NCEH1: variants seen among roughly 807,000 people sequenced by gnomAD.
NCEH1 encodes 2-acetyl MAGE hydrolase.
In NCEH1, 9 loss-of-function variants were observed where a neutral mutation model predicts 25.4. That is an observed-to-expected ratio of 0.35 (90% CI 0.21 to 0.62). The LOEUF (loss-of-function observed/expected upper bound fraction) is 0.62. Ranked by LOEUF, NCEH1 falls within the 20% of genes least tolerant of loss-of-function variation. The pLI is 0.72. For synonymous variants in NCEH1, 200 were observed against 199.8 expected (o/e 1.00, Z -0.01); for missense variants, 412 against 501.1 (o/e 0.82, Z 1.70).
At chr3:172,700,286 CA>C (rs1384469825) in intron 1 of NCEH1, among the ~76,000 whole-genome samples, 1 of 152,022 alleles carries the variant, frequency 6.6e-6, no homozygotes, top group Non-Finnish European at 1.5e-5. Flanking sequence ...CCAGAATCCC[CA>C]GTATACTATA....
chr3:172,651,663 A>C (rs9849025), intron 1 of NCEH1, among the ~76,000 whole-genome samples: 3,426 of 151,782 alleles, frequency 0.023, 142 homozygotes, highest in African/African-American at 0.079. Context: ...GATTCAAGCT[A>C]TTCTCGTGCC....
chr3:172,667,981 T>G (rs1332678219), intron 1 of NCEH1, among the ~76,000 whole-genome samples: 3 of 152,176 alleles, frequency 2.0e-5, no homozygotes, highest in African/African-American at 7.2e-5. Flanking sequence ...TTGGGCCCCC[T>G]TCAAGTTCCC....
intron 1 of NCEH1, among the ~76,000 whole-genome samples, chr3:172,661,129 AC>A (rs1395080599): frequency 1.3e-5 from 2 of 152,086 alleles, no homozygotes; most frequent in Admixed American, 6.6e-5. Context: ...TGTCTTTAAT[AC>A]ATCTTGAATT....
chr3:172,650,470 T>C (rs566597545), intron 1 of NCEH1, among the ~76,000 whole-genome samples: 40 of 149,124 alleles, frequency 2.7e-4, no homozygotes, highest in African/African-American at 5.9e-4. Flanking sequence ...GGTGAAACCC[T>C]GTCTCTACTA....
intron 1 of NCEH1, among the ~76,000 whole-genome samples, chr3:172,658,001 G>A (rs1560188585): frequency 6.6e-6 from 1 of 152,200 alleles, no homozygotes; most frequent in Non-Finnish European, 1.5e-5. Context: ...ATGAGGCTGA[G>A]ACCTACTGGG....
intron 1 of NCEH1, among the ~76,000 whole-genome samples, chr3:172,689,571 G>A (rs1002665892): frequency 1.2e-4 from 18 of 147,524 alleles, no homozygotes; most frequent in African/African-American, 3.5e-4. Flanking sequence ...TTAGCCAGGC[G>A]TGATGGCACG....
At chr3:172,710,446 G>C (rs1387528882) in intron 1 of NCEH1, among the ~76,000 whole-genome samples, 1 of 114,552 alleles carries the variant, frequency 8.7e-6, no homozygotes, top group Non-Finnish European at 2.0e-5. Flanking sequence ...TGCTTTTCCC[G>C]AGCTCTCCTA....
intron 1 of NCEH1, among the ~76,000 whole-genome samples, chr3:172,699,925 A>G (rs1018476983): frequency 2.0e-5 from 3 of 152,322 alleles, no homozygotes; most frequent in South Asian, 2.1e-4. Context: ...GCTACTCTCA[A>G]AAATGTCCTG....
At chr3:172,704,691 T>TAGTC (rs1276162713) in intron 1 of NCEH1, among the ~76,000 whole-genome samples, 3 of 152,214 alleles carry the variant, frequency 2.0e-5, no homozygotes, top group Non-Finnish European at 4.4e-5. Flanking sequence ...GCAGGCAATA[T>TAGTC]AGTCAGGTTT....
chr3:172,640,753 C>T (rs1047177846), intron 3 of NCEH1, among the ~76,000 whole-genome samples: 2 of 152,098 alleles, frequency 1.3e-5, no homozygotes, highest in Admixed American at 6.6e-5. Flanking sequence ...GTGATCCGCT[C>T]GCCTCAGCCT....
At chr3:172,641,429 C>T (rs1368181461) in intron 3 of NCEH1, among the ~76,000 whole-genome samples, 1 of 152,188 alleles carries the variant, frequency 6.6e-6, no homozygotes, top group African/African-American at 2.4e-5. Flanking sequence ...GGAGTCCCAA[C>T]TCCTGGTGCT....
At chr3:172,634,434 C>A (rs545513372) in intron 4 of NCEH1, among the ~76,000 whole-genome samples, 1 of 152,182 alleles carries the variant, frequency 6.6e-6, no homozygotes, top group Non-Finnish European at 1.5e-5. Context: ...CCCTACAAAA[C>A]CCCCAAAAAG....
rs1386048859 is a variant in NCEH1, at chr3:172,631,381, A to AC, written c.*2093_*2094insG. 2 of 147,000 alleles carry AC rather than the reference A, an allele frequency of 1.4e-5. No homozygotes were observed. Among genetic ancestry groups the AC allele is most frequent in the Admixed American group, 6.8e-5 (1 of 14,666 alleles). The allele number at this position is 147,000 out of a possible 1,614,324, so 9.1% of individuals were successfully genotyped here. On this transcript the variant is annotated 3_prime_UTR_variant, in exon 5 of 5. Transcript: ENST00000475381. ...ATCACAGAATAAGAACTAAAATCCC[A>AC]TTTTTTTTTTTTAGGAAAAAAAGAC...
At chr3:172,684,134 A>C (rs1712559032) in intron 1 of NCEH1, among the ~76,000 whole-genome samples, 1 of 152,228 alleles carries the variant, frequency 6.6e-6, no homozygotes, top group African/African-American at 2.4e-5. Context: ...GGTCATGAGG[A>C]AAACTATGTA....
chr3:172,700,222 T>C (rs114690902), intron 1 of NCEH1, among the ~76,000 whole-genome samples: 2,568 of 152,332 alleles, frequency 0.017, 77 homozygotes, highest in African/African-American at 0.059. Flanking sequence ...TAACTCTTTA[T>C]AAATCTTGTG....
Position 172,633,984 on chromosome 3 carries a change from T to C in NCEH1, c.718A>G (p.Thr240Ala), listed in dbSNP as rs1247870313. Reference protein sequence around the residue: ...NTPSYQQNVNTPILPRYVMVK... With the variant: ...NTPSYQQNVNAPILPRYVMVK... ...ATGACATAGCGGGGCAGGATTGGGG[T>C]GTTCACATTTTGCTGATAAGATGGT... The change falls in exon 5 of 5, where the codon ACC becomes GCC. Residue 240 changes from threonine to alanine, a missense_variant. Thr to Ala is a moderately conservative substitution (Grantham distance 58). Around this residue, in one of 3 missense-constraint regions of NCEH1, gnomAD observed 210 missense variants for 258.2 expected, o/e 0.81. Transcript: ENST00000475381. 1 of 1,614,044 alleles carries C rather than the reference T, an allele frequency of 6.2e-7. No individual in the cohort carries two copies. The highest frequency in any genetic ancestry group is 1.3e-5 in the African/African-American group (1 of 74,914).
chr3:172,710,922 G>C lies in NCEH1; in HGVS notation c.63C>G (p.Ile21Met). The part of the protein sequence containing the change: ...LVALAAYYVY[I>M]PLPGSVSDPW... ...GGTCGGACACGGAGCCAGGCAGCGG[G>C]ATGTAGACGTAATAGGCGGCCAGCG... The change falls in exon 1 of 5, where the codon ATC becomes ATG. Residue 21 changes from isoleucine (I) to methionine (M), a missense_variant. This residue lies in a region of NCEH1 where 178 missense variants were observed against 189.2 expected (regional missense o/e 0.94). Coordinates refer to ENST00000475381, the MANE Select transcript of NCEH1 (RefSeq NM_020792.6). The C allele has an allele frequency of 6.2e-7, 1 of 1,614,108 alleles. No homozygotes were observed. Among genetic ancestry groups the C allele is most frequent in the Non-Finnish European group, 8.5e-7 (1 of 1,179,974 alleles).
At chr3:172,691,237 A>T (rs1713015746) in intron 1 of NCEH1, among the ~76,000 whole-genome samples, 1 of 152,154 alleles carries the variant, frequency 6.6e-6, no homozygotes, top group African/African-American at 2.4e-5. Flanking sequence ...TATCCATGTC[A>T]GACATCCCTT....
chr3:172,641,186 C>T (rs751244058), intron 3 of NCEH1, among the ~76,000 whole-genome samples: 1 of 151,798 alleles, frequency 6.6e-6, no homozygotes, highest in Non-Finnish European at 1.5e-5. Flanking sequence ...AAATATAAGG[C>T]CTTTTATATT....
Sources: gnomAD v4.1 joint callset for allele counts (sites outside exome capture counted in the v4.1 genomes callset) on GRCh38, gnomAD v4.1.1 for gene constraint, gnomAD v4.1.1 regional missense constraint, MANE v1.5 for transcripts, NCBI Gene and HGNC (gene_info 2026-07-23, HGNC 2026-07-21) for gene names.